Variants in SLC12A7 observed in about 807,000 individuals in gnomAD.
SLC12A7 encodes K-Cl cotransporter 4.
A neutral mutation model predicts 120.6 loss-of-function variants in SLC12A7; 100 were observed. The ratio of observed to expected loss-of-function variants is 0.83; its 90% CI spans 0.71 to 0.98. The LOEUF (loss-of-function observed/expected upper bound fraction) is 0.98, where lower values mean the gene tolerates loss of function less well. Ranked by LOEUF, SLC12A7 falls within the 50% of genes least tolerant of loss-of-function variation. SLC12A7 has a pLI of 0.00. For missense variants in SLC12A7, 1,373 were observed against 1,548.1 expected (o/e 0.89, Z 1.90); for synonymous variants, 760 against 678.0 (o/e 1.12, Z -1.88).
At chr5:1,089,535 C>A (rs987820108) in intron 3 of SLC12A7, among the ~76,000 whole-genome samples, 17 of 149,324 alleles carry the variant, frequency 1.1e-4, no homozygotes, top group Non-Finnish European at 2.5e-4. Flanking sequence ...GGAAGCAGAG[C>A]CAGCGGAGGG....
chr5:1,082,316 A>C (rs55892678), intron 8 of SLC12A7, among the ~76,000 whole-genome samples: 3 of 115,054 alleles, frequency 2.6e-5, no homozygotes, highest in African/African-American at 7.1e-5. Flanking sequence ...CTTCCTCTCT[A>C]GGGTTCTGGA....
chr5:1,084,051 C>A, intron 7 of SLC12A7, 95 bp from the exon 8 acceptor site: 1 of 1,053,914 alleles, frequency 9.5e-7, no homozygotes, highest in South Asian at 1.4e-5. Context: ...TGGTGTCGCC[C>A]GCGAGTGGCT....
intron 1 of SLC12A7, among the ~76,000 whole-genome samples, chr5:1,103,670 T>C (rs1189602654): frequency 6.6e-6 from 1 of 152,172 alleles, no homozygotes. Flanking sequence ...CACACACACA[T>C]ACCTGCAGCA....
chr5:1,087,687 G>A (rs1225904261), intron 5 of SLC12A7, among the ~76,000 whole-genome samples: 1 of 152,250 alleles, frequency 6.6e-6, no homozygotes, highest in African/African-American at 2.4e-5. Flanking sequence ...CCAGCTGCGT[G>A]AGGACCTGGT....
At chr5:1,115,373 C>A (rs772795974), upstream of SLC12A7, among the ~76,000 whole-genome samples, 2 of 152,238 alleles carry the variant, frequency 1.3e-5, no homozygotes, top group African/African-American at 4.8e-5. Flanking sequence ...CTCGTGCCCA[C>A]GGCTTGGAAT....
At chr5:1,149,303 G>A in the SLC12A7 span, among the ~76,000 whole-genome samples, 2 of 152,198 alleles carry the variant, frequency 1.3e-5, no homozygotes, top group Non-Finnish European at 2.9e-5. Flanking sequence ...CTGGCCAGGC[G>A]CGGCGGCTCA....
intron 13 of SLC12A7, 85 bp downstream of exon 13, chr5:1,076,609 G>C (rs1738374250): frequency 4.1e-6 from 4 of 982,078 alleles, no homozygotes; most frequent in Non-Finnish European, 4.7e-6. Context: ...TCTACTGCTT[G>C]TCCTGAGCAG....
chr5:1,050,403 A>G lies in SLC12A7; in HGVS notation c.*1957T>C, dbSNP rs1345337242. ...ACGTACTCAGATTTCATAGGATTTT[A>G]TTTTTCTACTAACACAGACAGACAG... On this transcript the variant is annotated 3_prime_UTR_variant, in exon 24 of 24. Transcript: ENST00000264930. 1 of 154,616 alleles carries G rather than the reference A, an allele frequency of 6.5e-6. No homozygotes were observed. 9.6% of individuals were successfully genotyped at this position (154,616 alleles called of 1,614,324 possible). A position where few individuals can be genotyped will look rare whatever the true frequency, so the allele number is the denominator to read the frequency against.
At chr5:1,147,344 G>A in the SLC12A7 span, among the ~76,000 whole-genome samples, 8 of 149,530 alleles carry the variant, frequency 5.4e-5, no homozygotes, top group East Asian at 4.0e-4. Context: ...ACTCTGTGGC[G>A]GTAAGACCCC....
the SLC12A7 span, among the ~76,000 whole-genome samples, chr5:1,135,303 G>A: frequency 6.6e-6 from 1 of 152,218 alleles, no homozygotes. Context: ...GACTAAACAG[G>A]CAGAGGGAGT....
intron 23 of SLC12A7, 140 bp from the exon 24 acceptor site, chr5:1,052,591 G>T: frequency 1.5e-6 from 1 of 689,090 alleles, no homozygotes; most frequent in Non-Finnish European, 2.5e-6. Context: ...AAAGAGAGGT[G>T]GGGATTAGAG....
intron 8 of SLC12A7, among the ~76,000 whole-genome samples, chr5:1,082,582 C>CCG (rs1398187579): frequency 1.0e-4 from 14 of 140,384 alleles, no homozygotes; most frequent in African/African-American, 3.5e-4. Flanking sequence ...TCCGGGCTTC[C>CCG]TCTCTAGGGT....
the SLC12A7 span, among the ~76,000 whole-genome samples, chr5:1,121,397 G>A: frequency 6.6e-6 from 1 of 152,346 alleles, no homozygotes; most frequent in East Asian, 1.9e-4. Context: ...TTGCTGGGGG[G>A]CAGGGCCGAC....
At chr5:1,083,319 G>C (rs1005840540) in intron 8 of SLC12A7, among the ~76,000 whole-genome samples, 7 of 152,254 alleles carry the variant, frequency 4.6e-5, no homozygotes, top group African/African-American at 1.7e-4. Flanking sequence ...TCGGGTTCTG[G>C]AGCAGGTCTC....
chr5:1,060,564 C>G, intron 20 of SLC12A7, 113 bp from the exon 21 acceptor site: 1 of 775,964 alleles, frequency 1.3e-6, no homozygotes, highest in African/African-American at 1.7e-5. Flanking sequence ...AAAGGCCACG[C>G]GTCCCGGGCC....
upstream of SLC12A7, chr5:1,112,070 C>T (rs1391636995): frequency 7.5e-6 from 9 of 1,194,044 alleles, no homozygotes; most frequent in African/African-American, 1.6e-5. Flanking sequence ...GACTTGGAGG[C>T]AGGGGCGGGG....
At chr5:1,059,976 G>GAGGGCACTGC (rs1227874487) in intron 21 of SLC12A7, among the ~76,000 whole-genome samples, 1 of 152,220 alleles carries the variant, frequency 6.6e-6, no homozygotes, top group African/African-American at 2.4e-5. Flanking sequence ...GACCCTGTCA[G>GAGGGCACTGC]AGGGCACTGC....
intron 11 of SLC12A7, 161 bp downstream of exon 11, chr5:1,078,540 G>T: frequency 1.5e-6 from 1 of 664,400 alleles, no homozygotes; most frequent in South Asian, 1.8e-5. Context: ...CGGAAGAGAC[G>T]ACACATCAGA....
intron 17 of SLC12A7, among the ~76,000 whole-genome samples, chr5:1,069,253 T>C (rs1373759321): frequency 1.3e-5 from 2 of 152,142 alleles, no homozygotes; most frequent in Admixed American, 6.5e-5. Flanking sequence ...TTTACCTCCA[T>C]GGGATCCTGG....
Sources: allele counts gnomAD v4.1 joint callset (sites outside exome capture counted in the v4.1 genomes callset), GRCh38; gene constraint gnomAD v4.1.1; transcripts MANE v1.5; gene names NCBI Gene and HGNC (gene_info 2026-07-23, HGNC 2026-07-21).